DPP6: variants seen among roughly 807,000 people sequenced by gnomAD.
DPP6 encodes the protein A-type potassium channel modulatory protein DPP6.
In DPP6, 69 loss-of-function variants were observed where a neutral mutation model predicts 122.6. The ratio of observed to expected loss-of-function variants is 0.56; its 90% CI spans 0.46 to 0.69. The LOEUF is 0.69. DPP6 is among the 30% of genes least tolerant of loss of function. DPP6 has a pLI of 0.00. For synonymous variants in DPP6, 418 were observed against 433.1 expected (o/e 0.97, Z 0.43); for missense variants, 928 against 1,116.9 (o/e 0.83, Z 2.41).
chr7:154,053,558 G>A (rs1800572206), intron 1 of DPP6, among the ~76,000 whole-genome samples: 1 of 151,076 alleles, frequency 6.6e-6, no homozygotes, highest in African/African-American at 2.4e-5. Context: ...TGACTCAAAT[G>A]CCTCTCCTTC....
At chr7:154,252,229 T>C (rs895506511) in intron 1 of DPP6, among the ~76,000 whole-genome samples, 1 of 146,282 alleles carries the variant, frequency 6.8e-6, no homozygotes, top group African/African-American at 2.5e-5. Flanking sequence ...TGTGTGTGTG[T>C]GTGTGTGCGC....
At chr7:154,737,206 C>T (rs781125874) in intron 8 of DPP6, among the ~76,000 whole-genome samples, 12 of 152,192 alleles carry the variant, frequency 7.9e-5, no homozygotes, top group African/African-American at 2.2e-4. Flanking sequence ...AAATAAACTT[C>T]GAGAGCGCTA....
At chr7:154,305,335 T>TTGGGGGG in intron 1 of DPP6, 1 of 1,024,756 alleles carries the variant, frequency 9.8e-7, no homozygotes, top group Non-Finnish European at 1.2e-6. Flanking sequence ...TCGTCTTGTC[T>TTGGGGGG]ACCCACCCTC....
At position 154,887,246 on chromosome 7, in the gene DPP6, G is replaced by T. The variant is rs908669087; in HGVS notation, c.2246-430G>T. Among the ~76,000 whole-genome samples the T allele has an allele frequency of 7.9e-5, 12 of 152,174 alleles. 1 individual carries two copies. The highest frequency in any genetic ancestry group is 5.9e-4 in the Admixed American group (9 of 15,278). On this transcript the variant is annotated intron_variant, in intron 22 of 25. Transcript: ENST00000377770. ...ACACTCTTCTGTCACCCAGCTGACC[G>T]CAGGGCCTCAGGCAGAACCAAGAGC...
chr7:153,895,174 TACTC>T (rs748442104), intron 1 of DPP6, among the ~76,000 whole-genome samples: 10 of 152,218 alleles, frequency 6.6e-5, no homozygotes, highest in Non-Finnish European at 1.5e-4. Context: ...GACTGAAAGA[TACTC>T]TATTATGTGT....
intron 1 of DPP6, among the ~76,000 whole-genome samples, chr7:154,034,355 A>C (rs2129055976): frequency 6.6e-6 from 1 of 152,296 alleles, no homozygotes; most frequent in South Asian, 2.1e-4. Context: ...GGAGGGCATG[A>C]AGCCTGTTCA....
intron 1 of DPP6, among the ~76,000 whole-genome samples, chr7:154,262,446 T>C (rs1281152434): frequency 6.6e-6 from 1 of 151,892 alleles, no homozygotes; most frequent in Non-Finnish European, 1.5e-5. Flanking sequence ...AGAGAAAAGA[T>C]CATGTGAGGA....
chr7:154,653,384 A>C (rs1837007738), intron 6 of DPP6, among the ~76,000 whole-genome samples: 1 of 152,182 alleles, frequency 6.6e-6, no homozygotes, highest in African/African-American at 2.4e-5. Context: ...TTGATTGATA[A>C]ATGATAGATA....
chr7:154,101,539 G>A (rs536115021), intron 1 of DPP6, among the ~76,000 whole-genome samples: 339 of 151,910 alleles, frequency 2.2e-3, no homozygotes, highest in African/African-American at 7.6e-3. Flanking sequence ...CAGAAAAGGG[G>A]TGATCAGCAA....
At chr7:154,573,206 G>A (rs112031070) in intron 5 of DPP6, among the ~76,000 whole-genome samples, 2,972 of 152,226 alleles carry the variant, frequency 0.02, 40 homozygotes, top group South Asian at 0.039. Context: ...TGATCCAAGC[G>A]TTTTCTGCTG....
intron 1 of DPP6, among the ~76,000 whole-genome samples, chr7:154,195,382 T>C (rs112269285): frequency 1.9e-3 from 295 of 151,990 alleles, no homozygotes; most frequent in African/African-American, 6.6e-3. Flanking sequence ...TGCCATTGGC[T>C]GGCAGCCTGT....
At chr7:154,166,350 C>T (rs560711427) in intron 1 of DPP6, among the ~76,000 whole-genome samples, 4 of 152,246 alleles carry the variant, frequency 2.6e-5, no homozygotes, top group South Asian at 2.1e-4. Context: ...GCATCTCACC[C>T]GTGAGCCATC....
chr7:154,391,963 A>C (rs1272311383), intron 1 of DPP6, among the ~76,000 whole-genome samples: 1 of 152,138 alleles, frequency 6.6e-6, no homozygotes, highest in Non-Finnish European at 1.5e-5. Flanking sequence ...AAAGCACTGG[A>C]GATTCCATGT....
intron 1 of DPP6, among the ~76,000 whole-genome samples, chr7:154,351,773 G>C (rs1017101813): frequency 6.6e-6 from 1 of 152,216 alleles, no homozygotes; most frequent in African/African-American, 2.4e-5. Flanking sequence ...TTGGAGCCAA[G>C]ACAGGACTCC....
At chr7:154,104,102 G>T (rs929559079) in intron 1 of DPP6, among the ~76,000 whole-genome samples, 2 of 152,204 alleles carry the variant, frequency 1.3e-5, no homozygotes, top group Admixed American at 1.3e-4. Context: ...CAATACGGTT[G>T]CCCACCCTTC....
chr7:154,501,885 C>G (rs1303332739), intron 3 of DPP6, among the ~76,000 whole-genome samples: 1 of 152,200 alleles, frequency 6.6e-6, no homozygotes, highest in Non-Finnish European at 1.5e-5. Flanking sequence ...AAGCTACAGA[C>G]ACTCAAGGCC....
chr7:154,486,687 G>T lies in DPP6; in HGVS notation c.457+11650G>T, dbSNP rs1025427974. Among the ~76,000 whole-genome samples, 2 of 152,168 alleles carry T rather than the reference G, an allele frequency of 1.3e-5. No individual in the cohort carries two copies. Among genetic ancestry groups the T allele is most frequent in the African/African-American group, 4.8e-5 (2 of 41,446 alleles). Reference sequence around the variant, plus strand: ...AGCATCAGCTTGTGAACCAGCTAGGGTTGGACCACCTTGGGGATGCAGCCC... The same window carrying T: ...AGCATCAGCTTGTGAACCAGCTAGGTTTGGACCACCTTGGGGATGCAGCCC... On this transcript the variant is annotated intron_variant, in intron 3 of 25. Coordinates refer to ENST00000377770, the MANE Select transcript of DPP6 (RefSeq NM_130797.4). This position sits in a 1 kb window ranked among gnomAD's most constrained non-coding sequence, Gnocchi z 4.5.
Position 154,856,989 on chromosome 7 carries a change from T to C in DPP6, c.1714+3162T>C, listed in dbSNP as rs115394466. On this transcript the variant is annotated intron_variant, in intron 17 of 25. Transcript: ENST00000377770. Reference sequence around the variant, plus strand: ...GACTAATTGGAAACTGGACGGCGTTTAGAATTATTTTGGTCACATTTATTT... The same window carrying C: ...GACTAATTGGAAACTGGACGGCGTTCAGAATTATTTTGGTCACATTTATTT... Among the ~76,000 whole-genome samples the C allele has an allele frequency of 5.9e-3, 903 of 152,340 alleles. 5 individuals carry two copies. The highest frequency in any genetic ancestry group is 0.02 in the African/African-American group (849 of 41,578).
chr7:154,256,138 T>G (rs1191184832), intron 1 of DPP6, among the ~76,000 whole-genome samples: 1 of 152,196 alleles, frequency 6.6e-6, no homozygotes, highest in Non-Finnish European at 1.5e-5. Context: ...CATGATTTGA[T>G]TAAAGTCTGA....
Sources: gnomAD v4.1 joint callset for allele counts (sites outside exome capture counted in the v4.1 genomes callset) on GRCh38, gnomAD v4.1.1 for gene constraint, Gnocchi (gnomAD v3.1) non-coding constraint, MANE v1.5 for transcripts, NCBI Gene and HGNC (gene_info 2026-07-23, HGNC 2026-07-21) for gene names.